The following PIK3C2G variants were observed in gnomAD, a reference collection of about 807,000 sequenced individuals.
The protein encoded by PIK3C2G is phosphatidylinositol-4-phosphate 3-kinase catalytic subunit type 2 gamma.
In PIK3C2G, 168 loss-of-function variants were observed where a neutral mutation model predicts 181.1. The ratio of observed to expected loss-of-function variants is 0.93; its 90% confidence interval spans 0.82 to 1.05. PIK3C2G has a LOEUF of 1.05. Ranked by LOEUF, PIK3C2G falls within the 50% of genes least tolerant of loss-of-function variation. The probability of loss-of-function intolerance (pLI) is 0.00; values close to 1 mark genes in which losing one functional copy is unlikely to be tolerated. For missense variants in PIK3C2G, 1,869 were observed against 1,732.8 expected (o/e 1.08, Z -1.40); for synonymous variants, 573 against 592.2 (o/e 0.97, Z 0.47).
chr12:18,562,279 C>T (rs1482414944), intron 26 of PIK3C2G, among the ~76,000 whole-genome samples: 1 of 152,042 alleles, frequency 6.6e-6, no homozygotes, highest in Non-Finnish European at 1.5e-5. Context: ...CTACAGGCAC[C>T]CGCCACCACG....
chr12:18,724,537 A>C, the PIK3C2G span, among the ~76,000 whole-genome samples: 2 of 152,116 alleles, frequency 1.3e-5, no homozygotes, highest in Non-Finnish European at 1.5e-5. Flanking sequence ...TTGAAGGGGC[A>C]TTGTGTCATG....
At chr12:18,266,951 TATGCAG>T (rs1330441206) in intron 1 of PIK3C2G, among the ~76,000 whole-genome samples, 1 of 152,086 alleles carries the variant, frequency 6.6e-6, no homozygotes, top group Non-Finnish European at 1.5e-5. Flanking sequence ...ACCATATACA[TATGCAG>T]ATGTAATATG....
At chr12:18,584,254 C>G (rs910929060) in intron 29 of PIK3C2G, among the ~76,000 whole-genome samples, 3 of 151,974 alleles carry the variant, frequency 2.0e-5, no homozygotes, top group Admixed American at 1.3e-4. Flanking sequence ...ATCTCCTGAT[C>G]TCATGATCCG....
chr12:18,534,482 G>A (rs1164799976), intron 24 of PIK3C2G, among the ~76,000 whole-genome samples: 2 of 152,046 alleles, frequency 1.3e-5, no homozygotes, highest in Non-Finnish European at 2.9e-5. Context: ...AAAAATGACA[G>A]AATCGTTACA....
chr12:18,268,575 C>A (rs1389545870), intron 1 of PIK3C2G, among the ~76,000 whole-genome samples: 1 of 152,110 alleles, frequency 6.6e-6, no homozygotes, highest in East Asian at 1.9e-4. Flanking sequence ...TCATTTAACT[C>A]TTAGACTACA....
intron 16 of PIK3C2G, among the ~76,000 whole-genome samples, chr12:18,404,146 A>AT (rs1005556769): frequency 1.3e-5 from 2 of 152,038 alleles, no homozygotes; most frequent in African/African-American, 4.8e-5. Context: ...TTTCCAAAAT[A>AT]TTTTTTTTCT....
At chr12:18,723,677 T>C in the PIK3C2G span, 1 of 804,394 alleles carries the variant, frequency 1.2e-6, no homozygotes, top group Non-Finnish European at 2.0e-6. Flanking sequence ...TTATTGAAGA[T>C]AAAATATACA....
the PIK3C2G span, among the ~76,000 whole-genome samples, chr12:18,709,731 C>T: frequency 6.6e-6 from 1 of 152,034 alleles, no homozygotes. Context: ...AAAAAAAACC[C>T]TGTGTATTGC....
At chr12:18,627,133 T>C (rs1949137387) in intron 31 of PIK3C2G, among the ~76,000 whole-genome samples, 1 of 151,970 alleles carries the variant, frequency 6.6e-6, no homozygotes, top group African/African-American at 2.4e-5. Flanking sequence ...TCACTGATTC[T>C]TCAGTGTGAT....
At chr12:18,303,114 C>CTTT (rs75069930) in intron 5 of PIK3C2G, among the ~76,000 whole-genome samples, 212 of 126,048 alleles carry the variant, frequency 1.7e-3, no homozygotes, top group African/African-American at 4.1e-3. Flanking sequence ...TTCTTTCTTT[C>CTTT]CTTCTTTCTT....
chr12:18,307,712 C>T (rs181014104), intron 5 of PIK3C2G, among the ~76,000 whole-genome samples: 1 of 151,792 alleles, frequency 6.6e-6, no homozygotes, highest in Non-Finnish European at 1.5e-5. Flanking sequence ...TCATTTTTTA[C>T]TGCACTTACT....
chr12:18,503,584 A>G (rs1346015196), intron 23 of PIK3C2G, among the ~76,000 whole-genome samples, 167 bp downstream of exon 23: 1 of 152,202 alleles, frequency 6.6e-6, no homozygotes, highest in Non-Finnish European at 1.5e-5. Context: ...TATTAACTAC[A>G]TAAAAGTTTC....
At chr12:18,399,159 C>T (rs1481085089) in intron 15 of PIK3C2G, among the ~76,000 whole-genome samples, 4 of 141,592 alleles carry the variant, frequency 2.8e-5, no homozygotes, top group East Asian at 2.1e-4. Context: ...CCCGCCACTG[C>T]ACTCCAGCCT....
At position 18,460,623 on chromosome 12, in the gene PIK3C2G, C is replaced by CATATATATATATATATAT. The variant is rs144060852; in HGVS notation, c.2505-27818_2505-27801dup. Among the ~76,000 whole-genome samples the CATATATATATATATATAT allele has an allele frequency of 9.2e-4, 125 of 136,068 alleles. 1 individual carries two copies. Among genetic ancestry groups the CATATATATATATATATAT allele is most frequent in the African/African-American group, 2.5e-3 (91 of 36,452 alleles). 89.3% of individuals were successfully genotyped at this position (136,068 alleles called of 152,430 possible). A position where few individuals can be genotyped will look rare whatever the true frequency, so the allele number is the denominator to read the frequency against. ...TAAATAAAAAGATTGACATCATATT[C>CATATATATATATATATAT]ATATATATATATATATATATATATA... On this transcript the variant is annotated intron_variant, in intron 18 of 32. Coordinates refer to ENST00000538779, the MANE Select transcript of PIK3C2G (RefSeq NM_001288772.2).
the PIK3C2G span, among the ~76,000 whole-genome samples, chr12:18,690,515 A>G: frequency 1.3e-5 from 2 of 152,128 alleles, no homozygotes; most frequent in African/African-American, 4.8e-5. Context: ...GTGAGCCTCC[A>G]TACCCAGCCC....
chr12:18,650,664 A>ATGTG (rs1159499235), downstream of PIK3C2G, among the ~76,000 whole-genome samples: 454 of 35,514 alleles, frequency 0.013, 7 homozygotes, highest in Middle Eastern at 0.042. Context: ...TGGAATATAA[A>ATGTG]TGTGTGTGTG....
chr12:18,661,473 A>T, the PIK3C2G span, among the ~76,000 whole-genome samples: 1 of 152,136 alleles, frequency 6.6e-6, no homozygotes, highest in East Asian at 1.9e-4. Context: ...CTAAAAGAAA[A>T]ACAACTGTCA....
chr12:18,329,715 A>G (rs1937722252), intron 8 of PIK3C2G, among the ~76,000 whole-genome samples: 1 of 152,070 alleles, frequency 6.6e-6, no homozygotes, highest in African/African-American at 2.4e-5. Context: ...TTTCTAGAGC[A>G]CATAGCTAGG....
chr12:18,261,378 T>C (rs931248487), upstream of PIK3C2G, among the ~76,000 whole-genome samples: 1 of 152,176 alleles, frequency 6.6e-6, no homozygotes, highest in African/African-American at 2.4e-5. Flanking sequence ...CAAACCTTTT[T>C]TCTTTTTTTT....
Sources: allele counts gnomAD v4.1 joint callset (sites outside exome capture counted in the v4.1 genomes callset), GRCh38; gene constraint gnomAD v4.1.1; transcripts MANE v1.5; gene names NCBI Gene and HGNC (gene_info 2026-07-23, HGNC 2026-07-21).